Variants in ZNF469 observed in about 807,000 individuals in gnomAD.
ZNF469 encodes the protein zinc finger protein 469.
Under a neutral mutation model 1.0 loss-of-function variants are expected in ZNF469, and 1 was observed. The observed-to-expected ratio is 1.00, with a 90% CI of 0.35 to 4.73. The LOEUF (loss-of-function observed/expected upper bound fraction) is 4.73, where lower values mean the gene tolerates loss of function less well. Among genes scored for constraint, ZNF469 ranks in the 30% most tolerant of loss-of-function variants. The pLI, the probability that ZNF469 is intolerant of heterozygous loss-of-function variation, is 0.16. For missense variants in ZNF469, 6,100 were observed against 5,356.3 expected (o/e 1.14, Z -4.33); for synonymous variants, 2,703 against 2,363.4 (o/e 1.14, Z -4.17).
intron 2 of ZNF469, among the ~76,000 whole-genome samples, chr16:88,427,085 A>G (rs906317174): frequency 6.6e-5 from 10 of 151,196 alleles, no homozygotes; most frequent in African/African-American, 1.9e-4. Context: ...CCTCCACTCA[A>G]TCTCTGCGCT....
the ZNF469 span, among the ~76,000 whole-genome samples, chr16:88,235,060 C>G: frequency 2.0e-5 from 3 of 152,172 alleles, no homozygotes; most frequent in African/African-American, 7.2e-5. Flanking sequence ...CCTGCAGGGC[C>G]CCGGCCTTCT....
At chr16:88,300,265 G>A in the ZNF469 span, among the ~76,000 whole-genome samples, 2 of 152,182 alleles carry the variant, frequency 1.3e-5, no homozygotes, top group Non-Finnish European at 2.9e-5. Context: ...AGTCCTGCCC[G>A]GGTGGTGAGG....
chr16:88,178,626 A>T, the ZNF469 span: 1 of 152,162 alleles, frequency 6.6e-6, no homozygotes, highest in Admixed American at 6.5e-5. Context: ...TTTGTTTTTA[A>T]GGAAGTTTAA....
intron 1 of ZNF469, among the ~76,000 whole-genome samples, chr16:88,415,087 C>A (rs1352445798): frequency 6.6e-6 from 1 of 152,248 alleles, no homozygotes; most frequent in African/African-American, 2.4e-5. Flanking sequence ...TTGGAAAAGT[C>A]CCTTCCCCTC....
chr16:88,262,261 A>G, the ZNF469 span, among the ~76,000 whole-genome samples: 11 of 152,218 alleles, frequency 7.2e-5, no homozygotes, highest in African/African-American at 2.4e-4. This position sits in a 1 kb window ranked among gnomAD's most constrained non-coding sequence, Gnocchi z 4.3. Context: ...ACACCCTGAA[A>G]TAACAGAAGA....
At chr16:88,160,751 G>A in the ZNF469 span, among the ~76,000 whole-genome samples, 1 of 152,182 alleles carries the variant, frequency 6.6e-6, no homozygotes, top group Non-Finnish European at 1.5e-5. Context: ...CTGCTGCCCG[G>A]CTCTGACATT....
chr16:88,127,670 C>T, the ZNF469 span, among the ~76,000 whole-genome samples: 1 of 152,114 alleles, frequency 6.6e-6, no homozygotes, highest in Non-Finnish European at 1.5e-5. Context: ...TGCCCTGTCT[C>T]ACCTCTACCT....
At chr16:88,375,149 C>G in the ZNF469 span, among the ~76,000 whole-genome samples, 1 of 152,194 alleles carries the variant, frequency 6.6e-6, no homozygotes, top group Admixed American at 6.5e-5. Flanking sequence ...AATTCATGAC[C>G]AGCGTGGAAA....
chr16:88,378,233 C>T (rs1031957122), upstream of ZNF469, among the ~76,000 whole-genome samples: 4 of 152,076 alleles, frequency 2.6e-5, no homozygotes, highest in Non-Finnish European at 4.4e-5. Flanking sequence ...CAGGCACACA[C>T]GGCGGGCAGG....
chr16:88,312,460 C>T, the ZNF469 span, among the ~76,000 whole-genome samples: 2 of 152,166 alleles, frequency 1.3e-5, no homozygotes, highest in Non-Finnish European at 1.5e-5. Flanking sequence ...ATATAAGTTG[C>T]CAAATTTCTC....
the ZNF469 span, among the ~76,000 whole-genome samples, chr16:88,203,731 T>TGTGTGA: frequency 6.6e-6 from 1 of 150,842 alleles, no homozygotes; most frequent in Admixed American, 6.6e-5. Context: ...TCTGTCCCTG[T>TGTGTGA]GTGTGTGTGT....
the ZNF469 span, among the ~76,000 whole-genome samples, chr16:88,300,180 C>T: frequency 6.6e-6 from 1 of 152,160 alleles, no homozygotes; most frequent in Non-Finnish European, 1.5e-5. Flanking sequence ...GTCAAAGTCA[C>T]TTTGATTTCA....
Position 88,434,007 on chromosome 16 carries a change from T to C in ZNF469, c.6537T>C (p.Asp2179=), listed in dbSNP as rs961670323. Residue 2179 remains aspartate, a synonymous_variant, in exon 3 of 3, where the codon GAT becomes GAC. Coordinates refer to ENST00000565624, the MANE Select transcript of ZNF469 (RefSeq NM_001367624.2). The part of the protein sequence containing the change: ...SPAWAPLEEA[D]GVQATTDTGA... ...CCTGGGCACCTCTGGAAGAGGCAGATGGCGTCCAAGCCACGACAGATACTG... is the reference window on the plus strand; with the variant it reads ...CCTGGGCACCTCTGGAAGAGGCAGACGGCGTCCAAGCCACGACAGATACTG... The C allele has an allele frequency of 5.2e-5, 81 of 1,550,122 alleles. No homozygotes were observed. The highest frequency in any genetic ancestry group is 6.9e-5 in the Non-Finnish European group (79 of 1,146,902).
At chr16:88,182,854 T>C in the ZNF469 span, among the ~76,000 whole-genome samples, 2 of 152,088 alleles carry the variant, frequency 1.3e-5, no homozygotes, top group East Asian at 3.9e-4. Flanking sequence ...TTAGATAGGA[T>C]ACAAAAACAT....
chr16:88,153,638 C>A, the ZNF469 span, among the ~76,000 whole-genome samples: 1 of 152,230 alleles, frequency 6.6e-6, no homozygotes, highest in South Asian at 2.1e-4. Context: ...TTGTGTTAGC[C>A]CAGGCCGCCT....
the ZNF469 span, among the ~76,000 whole-genome samples, chr16:88,307,793 C>A: frequency 6.6e-6 from 1 of 152,192 alleles, no homozygotes; most frequent in Admixed American, 6.5e-5. Flanking sequence ...CTCTGGGTTA[C>A]CTTTTCACTT....
At chr16:88,379,190 C>G (rs2142254381), upstream of ZNF469, among the ~76,000 whole-genome samples, 1 of 152,258 alleles carries the variant, frequency 6.6e-6, no homozygotes, top group East Asian at 1.9e-4. Flanking sequence ...AACCTCGCCC[C>G]CCGAGGTTGA....
the ZNF469 span, among the ~76,000 whole-genome samples, chr16:88,147,529 T>G: frequency 6.6e-6 from 1 of 151,878 alleles, no homozygotes; most frequent in Non-Finnish European, 1.5e-5. Context: ...GAGATTCTGG[T>G]CGGTGCTGGG....
the ZNF469 span, among the ~76,000 whole-genome samples, chr16:88,329,517 AAC>A: frequency 6.6e-6 from 1 of 152,104 alleles, no homozygotes; most frequent in South Asian, 2.1e-4. Flanking sequence ...GTGAGGATGA[AAC>A]ACAGGTGGGA....
Sources: allele counts gnomAD v4.1 joint callset (sites outside exome capture counted in the v4.1 genomes callset), GRCh38; gene constraint gnomAD v4.1.1; non-coding constraint Gnocchi (gnomAD v3.1); transcripts MANE v1.5; gene names NCBI Gene and HGNC (gene_info 2026-07-23, HGNC 2026-07-21).